The following TIAM2 variants were observed in gnomAD, a reference collection of about 807,000 sequenced individuals.
The protein encoded by TIAM2 is rho guanine nucleotide exchange factor TIAM2.
A neutral mutation model predicts 152.9 loss-of-function variants in TIAM2; 80 were observed. The observed-to-expected ratio is 0.52, with a 90% confidence interval of 0.44 to 0.63. The LOEUF (loss-of-function observed/expected upper bound fraction) is 0.63, where lower values mean the gene tolerates loss of function less well. TIAM2 is among the 30% of genes least tolerant of loss of function. The pLI is 0.00. For missense variants in TIAM2, 1,965 were observed against 2,120.1 expected, an observed-to-expected ratio of 0.93 and a Z score of 1.44; for synonymous variants, 804 against 838.0, an observed-to-expected ratio of 0.96 and a Z score of 0.70.
At chr6:155,222,205 C>T (rs1782069383) in intron 15 of TIAM2, among the ~76,000 whole-genome samples, 1 of 151,986 alleles carries the variant, frequency 6.6e-6, no homozygotes, top group African/African-American at 2.4e-5. Context: ...CCACACTCTT[C>T]AGCCTCCCAA....
At chr6:155,044,855 C>T (rs1288911819) in intron 1 of TIAM2, among the ~76,000 whole-genome samples, 1 of 151,792 alleles carries the variant, frequency 6.6e-6, no homozygotes, top group Non-Finnish European at 1.5e-5. Context: ...CATCTTATGT[C>T]TCCGAATATA....
chr6:155,213,562 G>A lies in TIAM2; in HGVS notation c.3168+2255G>A, dbSNP rs1049179540. ...AGCAGACCCAGAAAAAGCTCCATAA[G>A]TTCCCACTCTGGTCTGTGGGACTGG... is the stretch of plus-strand genomic sequence containing the variant. On this transcript the variant is annotated intron_variant, in intron 15 of 26. Transcript: ENST00000682666. This position sits in a 1 kb window ranked among gnomAD's most constrained non-coding sequence, Gnocchi z 4.2. Among the ~76,000 whole-genome samples the A allele has an allele frequency of 2.6e-4, 39 of 152,176 alleles. No individual in the cohort carries two copies. Among genetic ancestry groups the A allele is most frequent in the Non-Finnish European group, 7.3e-5 (5 of 68,040 alleles).
chr6:155,118,862 CT>C (rs1377744094), intron 2 of TIAM2, among the ~76,000 whole-genome samples: 9 of 148,118 alleles, frequency 6.1e-5, no homozygotes, highest in South Asian at 2.1e-4. Flanking sequence ...AATGTGTGTG[CT>C]TTTTTTTTTA....
At chr6:155,125,271 A>G (rs115028386) in intron 2 of TIAM2, among the ~76,000 whole-genome samples, 3,417 of 151,566 alleles carry the variant, frequency 0.023, 125 homozygotes, top group African/African-American at 0.079. Flanking sequence ...ACTCTGTCTC[A>G]AAAAAAATAA....
At chr6:155,069,830 G>C (rs1336672666) in intron 1 of TIAM2, among the ~76,000 whole-genome samples, 2 of 151,582 alleles carry the variant, frequency 1.3e-5, no homozygotes, top group East Asian at 3.9e-4. Context: ...TTGTCATGCT[G>C]TTCTCTAACT....
In TIAM2 at chr6:155,129,298, A is replaced by T. The variant is rs1386765413; in HGVS notation, c.75A>T (p.Gln25His). The change falls in exon 4 of 27, where the codon CAA (glutamine) becomes CAT (histidine). Residue 25 changes from glutamine to histidine, a missense_variant. By Grantham distance (24) the Gln-to-His change is conservative (BLOSUM62 0). This residue lies in a region of TIAM2 where 1,025 missense variants were observed against 1,119.4 expected (regional missense o/e 0.92). Coordinates refer to ENST00000682666, the MANE Select transcript of TIAM2 (RefSeq NM_012454.4). This position sits in a 1 kb window ranked among gnomAD's most constrained non-coding sequence, Gnocchi z 4.8. The stretch of plus-strand genomic sequence containing the variant: ...GCAATACTATTACTGGTGCTAAGCA[A>T]ATTCCTTGCTCCCTGAAAATACGTG... Reference protein sequence around the residue: ...NHSNTITGAKQIPCSLKIRGI... With the variant: ...NHSNTITGAKHIPCSLKIRGI... The T allele has an allele frequency of 6.2e-7, 1 of 1,614,104 alleles. No homozygotes were observed. Among genetic ancestry groups the T allele is most frequent in the East Asian group, 2.2e-5 (1 of 44,894 alleles).
chr6:155,059,305 TGTGTGTGTGTGTGTGTGTGTGCGC>T, intron 1 of TIAM2, among the ~76,000 whole-genome samples: 1 of 64,824 alleles, frequency 1.5e-5, no homozygotes, highest in Non-Finnish European at 3.5e-5. Context: ...TGTGTGTGTG[TGTGTGTGTGTGTGTGTGTGTGCGC>T]GTGTATGTTT....
intron 15 of TIAM2, among the ~76,000 whole-genome samples, chr6:155,225,034 C>A (rs976764532): frequency 1.3e-5 from 2 of 152,202 alleles, no homozygotes; most frequent in African/African-American, 4.8e-5. Context: ...TGGCTGACTG[C>A]AACCTTTGCC....
chr6:155,200,555 G>A (rs1208156449), intron 14 of TIAM2, among the ~76,000 whole-genome samples: 5 of 152,032 alleles, frequency 3.3e-5, no homozygotes, highest in African/African-American at 9.7e-5. Context: ...CATCACTACC[G>A]TCTAATTCCA....
intron 14 of TIAM2, among the ~76,000 whole-genome samples, chr6:155,195,292 C>A (rs149541228): frequency 1.3e-5 from 2 of 152,326 alleles, no homozygotes; most frequent in East Asian, 3.9e-4. Flanking sequence ...TATACTTAAT[C>A]CTGAATTCAG....
chr6:155,180,703 A>G (rs1024492317), intron 12 of TIAM2, among the ~76,000 whole-genome samples: 8 of 152,052 alleles, frequency 5.3e-5, no homozygotes, highest in African/African-American at 1.9e-4. Context: ...CCTGGGTTCA[A>G]GCAATTCTCC....
chr6:155,250,508 C>T (rs1261089206), intron 21 of TIAM2: 1 of 1,526,274 alleles, frequency 6.6e-7, no homozygotes, highest in East Asian at 2.4e-5. Flanking sequence ...TTCACTCTGG[C>T]CAGTTTCAAT....
intron 10 of TIAM2, among the ~76,000 whole-genome samples, chr6:155,177,871 AG>A (rs1780792447): frequency 6.6e-6 from 1 of 152,226 alleles, no homozygotes; most frequent in Non-Finnish European, 1.5e-5. Context: ...TGAGTAATAA[AG>A]GGTATCAGAA....
intron 1 of TIAM2, among the ~76,000 whole-genome samples, chr6:155,033,273 C>T (rs182537191): frequency 2.4e-4 from 37 of 152,246 alleles, no homozygotes; most frequent in African/African-American, 7.9e-4. Context: ...GGGCTACTTC[C>T]GTGATCTCTC....
In TIAM2 at chr6:155,149,477, C is replaced by A. The variant is rs142945958; in HGVS notation, c.2028+1143C>A. ...CCAGTTTCTTTAGGAAAAAAAATTT[C>A]ATGGTAACACAACAATTTAGACATA... On this transcript the variant is annotated intron_variant, in intron 7 of 26. Transcript: ENST00000682666. 4.9e-3 allele frequency among the ~76,000 whole-genome samples: 742 copies of A among 152,284 alleles called. 19 individuals are homozygous for A. Among genetic ancestry groups the A allele is most frequent in the Non-Finnish European group, 1.4e-3 (96 of 68,022 alleles).
At chr6:155,011,421 A>AT (rs57682389) in intron 1 of TIAM2, among the ~76,000 whole-genome samples, 150,638 of 152,268 alleles carry the variant, frequency 0.99, 74,524 homozygotes, top group Middle Eastern at 1. Flanking sequence ...TGGCTTCTCA[A>AT]TTTTCATATC....
At chr6:155,203,254 A>C (rs1009768042) in intron 14 of TIAM2, among the ~76,000 whole-genome samples, 8 of 152,128 alleles carry the variant, frequency 5.3e-5, no homozygotes, top group Non-Finnish European at 1.2e-4. Flanking sequence ...GATTTACCCA[A>C]ATTTTAATCT....
Position 155,183,490 on chromosome 6 carries a change from T to C in TIAM2, c.3054T>C (p.Asn1018=). Residue 1018 remains asparagine, a synonymous_variant, in exon 14 of 27, where the codon AAT becomes AAC. Transcript: ENST00000682666. ...LEEFLDNFKK[N]TANDFSNVPD... is the part of the protein sequence containing the mutation. The stretch of plus-strand genomic sequence containing the variant: ...AATTCCTGGATAACTTTAAAAAGAA[T>C]ACAGCCAATGGTAAGGCTTTGTTCT... 1 of 1,612,638 alleles carries C rather than the reference T, an allele frequency of 6.2e-7. No individual in the cohort carries two copies. The highest frequency in any genetic ancestry group is 1.3e-5 in the African/African-American group (1 of 74,986).
At chr6:155,193,958 A>G (rs1282582160) in intron 14 of TIAM2, among the ~76,000 whole-genome samples, 1 of 152,200 alleles carries the variant, frequency 6.6e-6, no homozygotes, top group East Asian at 1.9e-4. Context: ...TCTGAAAATA[A>G]TTTTCAACTT....
Sources: allele counts gnomAD v4.1 joint callset (sites outside exome capture counted in the v4.1 genomes callset), GRCh38; gene constraint gnomAD v4.1.1; regional missense constraint gnomAD v4.1.1; non-coding constraint Gnocchi (gnomAD v3.1); transcripts MANE v1.5; gene names NCBI Gene and HGNC (gene_info 2026-07-23, HGNC 2026-07-21).